Variants in PTPN21 observed in about 807,000 individuals in gnomAD.
PTPN21 encodes the protein protein tyrosine phosphatase non-receptor type 21, also known as tyrosine-protein phosphatase non-receptor type 21.
In PTPN21, 77 loss-of-function variants were observed where a neutral mutation model predicts 131.8. The ratio of observed to expected loss-of-function variants is 0.58; its 90% CI spans 0.49 to 0.71. The LOEUF is 0.71. Ranked by LOEUF, PTPN21 falls within the 30% of genes least tolerant of loss-of-function variation. The pLI, the probability that PTPN21 is intolerant of heterozygous loss-of-function variation, is 0.00. For missense variants in PTPN21, 1,552 were observed against 1,527.1 expected, an observed-to-expected ratio of 1.02 and a Z score of -0.27; for synonymous variants, 715 against 621.3, an observed-to-expected ratio of 1.15 and a Z score of -2.24.
intron 2 of PTPN21, among the ~76,000 whole-genome samples, chr14:88,536,518 G>T (rs572564741): frequency 1.3e-5 from 2 of 152,252 alleles, no homozygotes; most frequent in East Asian, 3.9e-4. Flanking sequence ...AATTTGAGAT[G>T]GGGAAAAAAT....
rs534633236 is a variant in PTPN21 at position 88,480,121 on chromosome 14, T to A, written c.1310A>T (p.His437Leu). The A allele has an allele frequency of 2.5e-6, 4 of 1,614,112 alleles. No individual in the cohort carries two copies. The South Asian group carries it at 4.4e-5, about 18-fold the overall frequency. Residue 437 changes from histidine to leucine, a missense_variant, in exon 13 of 19, where the codon CAC (histidine) becomes CTC (leucine). By Grantham distance (99) the His-to-Leu change is moderately conservative. Coordinates refer to ENST00000556564, the MANE Select transcript of PTPN21 (RefSeq NM_007039.4). ...GTAGGACGGGGGTATCACGGCGCTGTGCCGATGGGACGGGAGGTAGTCAGG... is the reference window on the plus strand; with the variant it reads ...GTAGGACGGGGGTATCACGGCGCTGAGCCGATGGGACGGGAGGTAGTCAGG... ...MRPDYLPSHRHSAVIPPSYRP... is the reference protein window; with the variant it reads ...MRPDYLPSHRLSAVIPPSYRP...
chr14:88,502,983 T>C (rs2078034014), intron 6 of PTPN21, among the ~76,000 whole-genome samples: 1 of 151,960 alleles, frequency 6.6e-6, no homozygotes, highest in Non-Finnish European at 1.5e-5. Context: ...GGATAAGCAA[T>C]AGGTTCTAAT....
At chr14:88,472,601 G>C (rs1217230895) in intron 14 of PTPN21, 136 bp from the exon 15 acceptor site, 1 of 633,360 alleles carries the variant, frequency 1.6e-6, no homozygotes, top group African/African-American at 1.8e-5. Flanking sequence ...TGGGCACGGT[G>C]TCTCATGCCT....
chr14:88,486,053 T>G (rs1360367782), intron 10 of PTPN21, among the ~76,000 whole-genome samples: 1 of 151,424 alleles, frequency 6.6e-6, no homozygotes, highest in Non-Finnish European at 1.5e-5. Context: ...CAACCTGCCC[T>G]GTGGTTTCAG....
intron 1 of PTPN21, among the ~76,000 whole-genome samples, chr14:88,552,894 C>T (rs2078886382): frequency 6.6e-6 from 1 of 152,142 alleles, no homozygotes; most frequent in Admixed American, 6.5e-5. Context: ...AATATGCATA[C>T]TAAACACCCT....
intron 7 of PTPN21, 123 bp downstream of exon 7, chr14:88,501,158 T>C: frequency 3.3e-6 from 3 of 917,396 alleles, no homozygotes; most frequent in Non-Finnish European, 3.4e-6. Context: ...CCTCAGCTTT[T>C]AAGTTTCCAG....
chr14:88,474,876 G>A (rs1021914918), intron 13 of PTPN21, among the ~76,000 whole-genome samples: 147 of 152,200 alleles, frequency 9.7e-4, no homozygotes, highest in African/African-American at 3.3e-3. Flanking sequence ...TTGGGAGGCC[G>A]AGGTCAGGAG....
At chr14:88,512,065 G>T (rs74074929) in intron 3 of PTPN21, among the ~76,000 whole-genome samples, 4,307 of 152,060 alleles carry the variant, frequency 0.028, 140 homozygotes, top group South Asian at 0.1. Context: ...AACATATGTA[G>T]AGACATTAAG....
At chr14:88,482,466 A>T (rs931520596) in intron 12 of PTPN21, among the ~76,000 whole-genome samples, 1 of 152,054 alleles carries the variant, frequency 6.6e-6, no homozygotes, top group Non-Finnish European at 1.5e-5. Flanking sequence ...CTCTACTAAA[A>T]ATACAAAATT....
At position 88,479,432 on chromosome 14, in the gene PTPN21, G is replaced by A. The variant is rs1309817320; in HGVS notation, c.1999C>T (p.Arg667Ter). ...GGCTGGGAGCCCACCGAGACGGCTC[G>A]CGGCGCCACCTCTGCCGCCGACGCG... ...LSASAAEVAPRAVSVGSQPSV... is the reference protein window; with the variant it reads ...LSASAAEVAP Residue 667 changes from arginine to a stop codon, truncating the protein, a stop_gained, in exon 13 of 19, where the codon CGA becomes TGA. Transcript: ENST00000556564. LOFTEE classifies it high-confidence loss of function. The A allele has an allele frequency of 7.5e-6, 12 of 1,601,944 alleles. No homozygotes were observed. Among genetic ancestry groups the A allele is most frequent in the Non-Finnish European group, 1.0e-5 (12 of 1,178,446 alleles).
At chr14:88,514,393 A>G (rs1433751632) in intron 3 of PTPN21, among the ~76,000 whole-genome samples, 1 of 150,462 alleles carries the variant, frequency 6.6e-6, no homozygotes, top group African/African-American at 2.4e-5. Flanking sequence ...CTTTATGGTC[A>G]TATTTTTCTG....
Position 88,552,496 on chromosome 14 carries a change from C to A in PTPN21, c.-202-1877G>T, listed in dbSNP as rs142176143. On this transcript the variant is annotated intron_variant, in intron 1 of 18. Coordinates refer to ENST00000556564, the MANE Select transcript of PTPN21 (RefSeq NM_007039.4). ...ACAGAGCTGTATCTCTAATAAGGAC[C>A]CAACCACGGTTTTATCTGGCTAGTT... 1.1e-4 allele frequency: 17 copies of A among 152,190 alleles called. No individual in the cohort carries two copies. The East Asian group carries it at 3.3e-3, about 29-fold the overall frequency. 9.4% of individuals were successfully genotyped at this position (152,190 alleles called of 1,614,324 possible).
At chr14:88,511,488 T>C (rs901664577) in intron 3 of PTPN21, among the ~76,000 whole-genome samples, 15 of 152,042 alleles carry the variant, frequency 9.9e-5, no homozygotes, top group African/African-American at 3.4e-4. Context: ...CTAGCCAACA[T>C]GGGGAAACCC....
intron 10 of PTPN21, among the ~76,000 whole-genome samples, chr14:88,492,595 G>A (rs1160705137): frequency 6.6e-6 from 1 of 152,104 alleles, no homozygotes; most frequent in Non-Finnish European, 1.5e-5. Context: ...CTCCCCGTCC[G>A]GGTGGGCATC....
chr14:88,485,649 C>T (rs111752489), intron 11 of PTPN21, 133 bp downstream of exon 11: 1 of 550,374 alleles, frequency 1.8e-6, no homozygotes. Flanking sequence ...ATTACCATTT[C>T]TTTGGTTAAA....
intron 2 of PTPN21, among the ~76,000 whole-genome samples, chr14:88,534,520 C>G (rs1427482655): frequency 6.6e-6 from 1 of 152,052 alleles, no homozygotes; most frequent in Admixed American, 6.5e-5. Flanking sequence ...TTACAAGAGT[C>G]AAAAGTTTTA....
At chr14:88,497,671 C>T (rs535200232) in intron 8 of PTPN21, among the ~76,000 whole-genome samples, 7 of 151,862 alleles carry the variant, frequency 4.6e-5, no homozygotes, top group African/African-American at 7.2e-5. Flanking sequence ...CCCAGCTACT[C>T]GGGAGGCTGA....
chr14:88,529,231 T>A (rs1051016728), intron 2 of PTPN21, among the ~76,000 whole-genome samples: 9 of 152,228 alleles, frequency 5.9e-5, no homozygotes, highest in African/African-American at 1.9e-4. Context: ...TCTATTGAGA[T>A]GATCATATTG....
intron 14 of PTPN21, 63 bp from the exon 15 acceptor site, chr14:88,472,528 G>T: frequency 9.7e-7 from 1 of 1,026,700 alleles, no homozygotes; most frequent in Non-Finnish European, 1.5e-6. Context: ...CCTTTTGACT[G>T]TATATTTGAA....
Sources: gnomAD v4.1 joint callset for allele counts (sites outside exome capture counted in the v4.1 genomes callset) on GRCh38, gnomAD v4.1.1 for gene constraint, MANE v1.5 for transcripts, NCBI Gene and HGNC (gene_info 2026-07-23, HGNC 2026-07-21) for gene names.